SLC17A1: variants seen among roughly 807,000 people sequenced by gnomAD.
The protein encoded by SLC17A1 is sodium-dependent phosphate transport protein 1.
A neutral mutation model predicts 53.5 loss-of-function variants in SLC17A1; 51 were observed. That is an observed-to-expected ratio of 0.95 (90% CI 0.76 to 1.20). SLC17A1 has a LOEUF of 1.20. Among genes scored for constraint, SLC17A1 ranks in the 50% most tolerant of loss-of-function variants. The pLI is 0.00. For synonymous variants in SLC17A1, 179 were observed against 198.8 expected, an observed-to-expected ratio of 0.90 and a Z score of 0.84; for missense variants, 538 against 568.2, an observed-to-expected ratio of 0.95 and a Z score of 0.54.
chr6:25,772,231 C>G, the SLC17A1 span, among the ~76,000 whole-genome samples: 1 of 152,134 alleles, frequency 6.6e-6, no homozygotes, highest in African/African-American at 2.4e-5. Flanking sequence ...TTTCAAGAAA[C>G]AGTAAGGAGC....
downstream of SLC17A1, chr6:25,778,103 A>C (rs563661022): frequency 5.2e-6 from 5 of 957,470 alleles, no homozygotes; most frequent in African/African-American, 8.1e-5. Context: ...GTATCCTAGA[A>C]GATGCTTTTA....
At chr6:25,802,415 T>C (rs1763806679) in intron 10 of SLC17A1, among the ~76,000 whole-genome samples, 1 of 152,180 alleles carries the variant, frequency 6.6e-6, no homozygotes, top group African/African-American at 2.4e-5. Flanking sequence ...TGCCCTAATA[T>C]TTTTCCTCTC....
chr6:25,773,847 G>C, the SLC17A1 span, among the ~76,000 whole-genome samples: 4 of 152,062 alleles, frequency 2.6e-5, no homozygotes, highest in African/African-American at 9.6e-5. Context: ...ATCTCAATGT[G>C]GTTCACTACT....
chr6:25,762,515 G>A, the SLC17A1 span, among the ~76,000 whole-genome samples: 1 of 152,012 alleles, frequency 6.6e-6, no homozygotes. Flanking sequence ...TTTATAATAT[G>A]CATTAAGGGA....
At chr6:25,729,798 C>T in the SLC17A1 span, among the ~76,000 whole-genome samples, 2 of 151,062 alleles carry the variant, frequency 1.3e-5, no homozygotes, top group Non-Finnish European at 3.0e-5. Context: ...CTATTGGTTT[C>T]TTGATAGATT....
chr6:25,815,031 A>AC (rs1764296735), intron 6 of SLC17A1, among the ~76,000 whole-genome samples: 1 of 151,188 alleles, frequency 6.6e-6, no homozygotes, highest in African/African-American at 2.4e-5. Context: ...ACACACACAC[A>AC]AAGAATGAAA....
chr6:25,769,215 CT>C, the SLC17A1 span: 2 of 1,572,446 alleles, frequency 1.3e-6, no homozygotes, highest in Non-Finnish European at 1.7e-6. Flanking sequence ...ACTCTGGACT[CT>C]TTCTTTGACT....
At chr6:25,815,853 G>A (rs968597923) in intron 6 of SLC17A1, among the ~76,000 whole-genome samples, 4 of 151,220 alleles carry the variant, frequency 2.6e-5, no homozygotes, top group African/African-American at 9.7e-5. Context: ...ATAACTGCCC[G>A]GTAGCAAGGG....
In SLC17A1 at chr6:25,826,567, G is replaced by A; in HGVS notation, c.101C>T (p.Thr34Ile). 1.9e-6 allele frequency: 3 copies of A among 1,611,892 alleles called. No individual in the cohort carries two copies. The highest frequency in any genetic ancestry group is 2.5e-6 in the Non-Finnish European group (3 of 1,178,660). Residue 34 changes from threonine to isoleucine, a missense_variant, in exon 3 of 13, where the codon ACA becomes ATA. Physicochemically the swap from Thr to Ile is moderately conservative, Grantham distance 89 (BLOSUM62 -1). Coordinates refer to ENST00000244527, the MANE Select transcript of SLC17A1 (RefSeq NM_005074.5). ...FLVHCCNVII[T>I]AQRACLNLTM... is the part of the protein sequence containing the mutation. ...GAGGTTCAGGCACGCACGCTGTGCTGTTATTATAACATTACAACAGTGCAC... is the reference window on the plus strand; with the variant it reads ...GAGGTTCAGGCACGCACGCTGTGCTATTATTATAACATTACAACAGTGCAC...
chr6:25,771,443 G>A, the SLC17A1 span, among the ~76,000 whole-genome samples: 2 of 151,816 alleles, frequency 1.3e-5, no homozygotes, highest in Admixed American at 1.3e-4. Context: ...GTGTGATGGT[G>A]CATGCCTGTA....
the SLC17A1 span, chr6:25,732,907 C>A: frequency 4.0e-6 from 1 of 249,896 alleles, no homozygotes; most frequent in Non-Finnish European, 7.8e-6. Flanking sequence ...AAAACAAAAA[C>A]CCCAAAGCTG....
the SLC17A1 span, chr6:25,726,159 ACT>A: frequency 1.3e-6 from 2 of 1,558,334 alleles, no homozygotes; most frequent in Non-Finnish European, 1.7e-6. Context: ...TATGGTGGTG[ACT>A]CTCAGTCTTC....
chr6:25,814,533 G>A (rs1037028827), intron 6 of SLC17A1, among the ~76,000 whole-genome samples: 1 of 152,160 alleles, frequency 6.6e-6, no homozygotes, highest in Non-Finnish European at 1.5e-5. Flanking sequence ...CCTAGATGGC[G>A]AGGCTGGGGT....
chr6:25,765,398 T>G, the SLC17A1 span, among the ~76,000 whole-genome samples: 2 of 152,230 alleles, frequency 1.3e-5, no homozygotes, highest in Admixed American at 1.3e-4. Context: ...CACAGAGGGA[T>G]GAAGTAACAC....
the SLC17A1 span, among the ~76,000 whole-genome samples, chr6:25,725,964 A>T: frequency 6.6e-6 from 1 of 152,236 alleles, no homozygotes; most frequent in Admixed American, 6.5e-5. Flanking sequence ...GTCCCCGTAC[A>T]TTCCCGAAAT....
chr6:25,731,491 G>A, the SLC17A1 span, among the ~76,000 whole-genome samples: 54 of 152,332 alleles, frequency 3.5e-4, no homozygotes, highest in African/African-American at 1.2e-3. Context: ...TTTCCCCATG[G>A]CACTGTCCAC....
At chr6:25,769,319 A>G in the SLC17A1 span, 4 of 873,008 alleles carry the variant, frequency 4.6e-6, no homozygotes, top group Non-Finnish European at 5.2e-6. Context: ...GAATGGCACA[A>G]GTACCTAAGT....
chr6:25,762,010 T>C, the SLC17A1 span: 4 of 1,613,438 alleles, frequency 2.5e-6, no homozygotes, highest in South Asian at 4.4e-5. Context: ...ACATTTCCAG[T>C]GATGGCAATT....
At chr6:25,797,488 T>G (rs1763626440) in intron 12 of SLC17A1, among the ~76,000 whole-genome samples, 1 of 152,234 alleles carries the variant, frequency 6.6e-6, no homozygotes. Context: ...TCTATTTTTC[T>G]GTATTTCTTT....
Sources: allele counts gnomAD v4.1 joint callset (sites outside exome capture counted in the v4.1 genomes callset), GRCh38; gene constraint gnomAD v4.1.1; transcripts MANE v1.5; gene names NCBI Gene and HGNC (gene_info 2026-07-23, HGNC 2026-07-21).